Variants in ABCC4 observed in about 807,000 individuals in gnomAD.
The protein encoded by ABCC4 is ATP binding cassette subfamily C member 4 (PEL blood group).
ABCC4 carries 102 observed loss-of-function variants against 168.5 expected under a neutral mutation model. The observed-to-expected ratio is 0.61, with a 90% CI of 0.52 to 0.71. The LOEUF (loss-of-function observed/expected upper bound fraction) is 0.71, where lower values mean the gene tolerates loss of function less well. Among genes scored for constraint, ABCC4 ranks in the 30% least tolerant of loss-of-function variants. ABCC4 has a pLI of 0.00. For synonymous variants in ABCC4, 617 were observed against 590.7 expected (o/e 1.04, Z -0.65); for missense variants, 1,402 against 1,605.8 (o/e 0.87, Z 2.17).
chr13:95,260,546 C>T (rs1408628164), intron 1 of ABCC4, among the ~76,000 whole-genome samples: 2 of 152,054 alleles, frequency 1.3e-5, no homozygotes, highest in African/African-American at 2.4e-5. Flanking sequence ...GAGAAAGGGA[C>T]ACAGTTTGAG....
At position 95,234,660 on chromosome 13, in the gene ABCC4, A is replaced by C. The variant is rs1166604656; in HGVS notation, c.481T>G (p.Cys161Gly). 1.2e-6 allele frequency: 2 copies of C among 1,614,032 alleles called. No homozygotes were observed. Among genetic ancestry groups the C allele is most frequent in the Non-Finnish European group, 1.7e-6 (2 of 1,180,014 alleles). ...GCTACTCGTAACCTCATCCCAGCAC[A>C]CTGAACGTGATAAAAATATAAGTGA... ...LHHLYFYHVQ[C>G]AGMRLRVAMC... The change falls in exon 4 of 31, where the codon TGT (cysteine) becomes GGT (glycine). Residue 161 changes from cysteine to glycine, a missense_variant. Coordinates refer to ENST00000645237, the MANE Select transcript of ABCC4 (RefSeq NM_005845.5).
At chr13:95,085,743 T>C (rs150000970) in intron 20 of ABCC4, among the ~76,000 whole-genome samples, 3 of 152,308 alleles carry the variant, frequency 2.0e-5, no homozygotes, top group African/African-American at 4.8e-5. Flanking sequence ...AAAGGTACAA[T>C]TGCCCTGCCC....
rs1021780141 is a variant in ABCC4, at chr13:95,100,600, C to A, written c.2535+15322G>T. On this transcript the variant is annotated intron_variant, in intron 20 of 30. Coordinates refer to ENST00000645237, the MANE Select transcript of ABCC4 (RefSeq NM_005845.5). ...TAACTCATGTCATCAACTGCCCTGT[C>A]TATTAACAAGGAAATCCACTTTAAT... 3.9e-5 allele frequency among the ~76,000 whole-genome samples: 6 copies of A among 152,308 alleles called. No homozygotes were observed. The South Asian group carries it at 1.2e-3, about 32-fold the overall frequency.
At chr13:95,189,189 T>A (rs1296576737) in intron 9 of ABCC4, among the ~76,000 whole-genome samples, 2 of 142,966 alleles carry the variant, frequency 1.4e-5, no homozygotes, top group South Asian at 2.3e-4. Flanking sequence ...GCGGGAGTGC[T>A]GTGGCGCGAT....
chr13:95,220,382 A>G (rs1171690264), intron 4 of ABCC4, among the ~76,000 whole-genome samples: 1 of 152,176 alleles, frequency 6.6e-6, no homozygotes, highest in Non-Finnish European at 1.5e-5. Context: ...AATGTTGTGT[A>G]TTTATCAAAG....
intron 1 of ABCC4, among the ~76,000 whole-genome samples, chr13:95,262,824 G>A (rs34615006): frequency 3.3e-5 from 5 of 152,004 alleles, no homozygotes; most frequent in Non-Finnish European, 7.4e-5. Context: ...TAGTAGAGAC[G>A]AGGTTTCACC....
At chr13:95,207,958 A>T in intron 6 of ABCC4, 33 bp from the exon 7 acceptor site, 1 of 1,607,512 alleles carries the variant, frequency 6.2e-7, no homozygotes, top group Non-Finnish European at 8.5e-7. Context: ...GATGAGCCTG[A>T]GCGATCACAG....
intron 13 of ABCC4, among the ~76,000 whole-genome samples, chr13:95,176,068 C>G (rs1005754744): frequency 1.8e-4 from 28 of 152,060 alleles, no homozygotes; most frequent in African/African-American, 6.5e-4. Flanking sequence ...AAACCCTTAC[C>G]AGCCTGCAGG....
At chr13:95,189,124 CTTTTTTTTTT>C (rs61449462) in intron 9 of ABCC4, among the ~76,000 whole-genome samples, 22 of 67,292 alleles carry the variant, frequency 3.3e-4, no homozygotes, top group Admixed American at 1.1e-3. Context: ...AAACAATATT[CTTTTTTTTTT>C]TTTTTTTTTT....
Position 95,188,472 on chromosome 13 carries a change from C to T in ABCC4, c.1334G>A (p.Gly445Asp). ...VRPGELLAVVGPVGAGKSSLL... is the reference protein window; with the variant it reads ...VRPGELLAVVDPVGAGKSSLL... ...ACTCACCTTCCCTGCTCCCACGGGG[C>T]CGACCACAGCTAACAATTCGCCAGG... The change falls in exon 10 of 31, where the codon GGC becomes GAC. Residue 445 changes from glycine to aspartate, a missense_variant. By Grantham distance (94) the Gly-to-Asp change is moderately conservative (BLOSUM62 -1). Coordinates refer to ENST00000645237, the MANE Select transcript of ABCC4 (RefSeq NM_005845.5). The T allele has an allele frequency of 5.0e-6, 8 of 1,614,100 alleles. No individual in the cohort carries two copies. Among genetic ancestry groups the T allele is most frequent in the Non-Finnish European group, 6.8e-6 (8 of 1,179,990 alleles).
chr13:95,173,518 C>A (rs886570681), intron 13 of ABCC4, among the ~76,000 whole-genome samples: 1 of 152,238 alleles, frequency 6.6e-6, no homozygotes, highest in Non-Finnish European at 1.5e-5. Flanking sequence ...AATACCCTTA[C>A]AGACAGGCAG....
intron 9 of ABCC4, among the ~76,000 whole-genome samples, chr13:95,193,833 G>A (rs974371562): frequency 2.0e-5 from 3 of 152,220 alleles, no homozygotes; most frequent in Non-Finnish European, 4.4e-5. Context: ...AGAGGCGAAC[G>A]CCTCATGGCA....
At chr13:95,215,681 C>T (rs929480161) in intron 4 of ABCC4, among the ~76,000 whole-genome samples, 2 of 152,070 alleles carry the variant, frequency 1.3e-5, no homozygotes, top group African/African-American at 4.8e-5. Context: ...TACAGATCAA[C>T]AATAAGACAT....
At chr13:95,026,266 A>G (rs934058188) in intron 30 of ABCC4, among the ~76,000 whole-genome samples, 1 of 152,184 alleles carries the variant, frequency 6.6e-6, no homozygotes, top group African/African-American at 2.4e-5. Context: ...AAATAAAAAA[A>G]TAAGTGGCAT....
intron 13 of ABCC4, among the ~76,000 whole-genome samples, chr13:95,174,910 G>C (rs1004077121): frequency 6.6e-6 from 1 of 152,018 alleles, no homozygotes; most frequent in South Asian, 2.1e-4. Flanking sequence ...TGCCATCCAC[G>C]TTTTTTTTGG....
intron 17 of ABCC4, 51 bp downstream of exon 17, chr13:95,163,559 T>G: frequency 6.7e-7 from 1 of 1,494,512 alleles, no homozygotes; most frequent in Non-Finnish European, 9.3e-7. Flanking sequence ...GAAAAGCGAG[T>G]CTTCTTACTG....
rs906532086 is a variant in ABCC4, at chr13:95,208,012, A to G, written c.786-87T>C. ...AGGCACAGGCAGGGACCTGCATCAC[A>G]TGGTTCCCTACAGCGCTTTTGCTTC... On this transcript the variant is annotated intron_variant, in intron 6 of 30. Coordinates refer to ENST00000645237, the MANE Select transcript of ABCC4 (RefSeq NM_005845.5). The G allele has an allele frequency of 1.6e-5, 24 of 1,480,724 alleles. No individual in the cohort carries two copies. In the African/African-American group the frequency reaches 2.7e-4, roughly 17 times the overall value. 91.7% of individuals were successfully genotyped at this position (1,480,724 alleles called of 1,614,324 possible).
At chr13:95,285,969 C>A (rs375880052) in intron 1 of ABCC4, among the ~76,000 whole-genome samples, 2 of 152,034 alleles carry the variant, frequency 1.3e-5, no homozygotes, top group Non-Finnish European at 2.9e-5. Flanking sequence ...TTATCACTGA[C>A]CAGACTCTTC....
intron 1 of ABCC4, among the ~76,000 whole-genome samples, chr13:95,290,444 C>T (rs1410074508): frequency 6.6e-6 from 1 of 152,146 alleles, no homozygotes; most frequent in Non-Finnish European, 1.5e-5. Flanking sequence ...GTGTCTCACG[C>T]CTGTAATCCC....
Sources: gnomAD v4.1 joint callset for allele counts (sites outside exome capture counted in the v4.1 genomes callset) on GRCh38, gnomAD v4.1.1 for gene constraint, MANE v1.5 for transcripts, NCBI Gene and HGNC (gene_info 2026-07-23, HGNC 2026-07-21) for gene names.